FMO5: variants seen among roughly 807,000 people sequenced by gnomAD.
The protein encoded by FMO5 is flavin containing dimethylaniline monoxygenase 5.
A neutral mutation model predicts 43.6 loss-of-function variants in FMO5; 51 were observed. The observed-to-expected ratio is 1.17, with a 90% CI of 0.93 to 1.48. The LOEUF (loss-of-function observed/expected upper bound fraction) is 1.48. Among genes scored for constraint, FMO5 ranks in the 40% most tolerant of loss-of-function variants. The probability of loss-of-function intolerance (pLI) is 0.00; values close to 1 mark genes in which losing one functional copy is unlikely to be tolerated. For synonymous variants in FMO5, 187 were observed against 216.5 expected (o/e 0.86, Z 1.20); for missense variants, 644 against 643.0 (o/e 1.00, Z -0.02).
intron 6 of FMO5, among the ~76,000 whole-genome samples, chr1:147,207,069 G>T (rs1419245675): frequency 6.6e-6 from 1 of 151,500 alleles, no homozygotes; most frequent in African/African-American, 2.4e-5. Context: ...GGGCAACTGG[G>T]GATATTGCCA....
chr1:147,204,537 A>T, intron 6 of FMO5: 1 of 1,577,938 alleles, frequency 6.3e-7, no homozygotes, highest in Non-Finnish European at 8.7e-7. Flanking sequence ...AAGCTATTTC[A>T]TAACCTTCTA....
intron 7 of FMO5, among the ~76,000 whole-genome samples, chr1:147,191,646 C>G (rs1387273167): frequency 6.6e-6 from 1 of 151,386 alleles, no homozygotes; most frequent in African/African-American, 2.4e-5. Context: ...CCTGTTCACT[C>G]TGATGGTAGT....
chr1:147,218,360 C>T (rs1553925495), intron 2 of FMO5, among the ~76,000 whole-genome samples: 1 of 152,034 alleles, frequency 6.6e-6, no homozygotes, highest in Non-Finnish European at 1.5e-5. Flanking sequence ...CTCAGCCTCC[C>T]GAGTAGCTGG....
intron 7 of FMO5, among the ~76,000 whole-genome samples, chr1:147,199,344 A>G (rs182233324): frequency 1.2e-3 from 178 of 152,330 alleles, no homozygotes; most frequent in Non-Finnish European, 1.7e-3. Flanking sequence ...GGCCATGGAC[A>G]GAATAAAAAA....
At chr1:147,187,580 A>G (rs587695670) in intron 8 of FMO5, among the ~76,000 whole-genome samples, 5 of 152,308 alleles carry the variant, frequency 3.3e-5, no homozygotes, top group Admixed American at 2.0e-4. Context: ...ACATCTAGAT[A>G]CAAAGGACTC....
intron 6 of FMO5, among the ~76,000 whole-genome samples, chr1:147,201,827 C>A (rs1659027538): frequency 6.6e-6 from 1 of 152,172 alleles, no homozygotes; most frequent in African/African-American, 2.4e-5. Flanking sequence ...AGTTTGTATT[C>A]TCATACCAAG....
At chr1:147,213,529 G>A (rs1553924310) in intron 3 of FMO5, 59 bp from the exon 4 acceptor site, 3 of 1,428,836 alleles carry the variant, frequency 2.1e-6, no homozygotes, top group Non-Finnish European at 2.8e-6. Context: ...CTTGCATAGT[G>A]TTACACAAAG....
At chr1:147,195,583 A>T (rs1339090224) in intron 7 of FMO5, among the ~76,000 whole-genome samples, 2 of 152,164 alleles carry the variant, frequency 1.3e-5, no homozygotes, top group Non-Finnish European at 2.9e-5. Context: ...AGATGCACAA[A>T]CAGTTCCAGT....
intron 2 of FMO5, among the ~76,000 whole-genome samples, chr1:147,217,399 G>GT (rs1662207564): frequency 6.6e-6 from 1 of 151,790 alleles, no homozygotes; most frequent in South Asian, 2.1e-4. Flanking sequence ...TTCAAAAATT[G>GT]TTTTGACTAT....
chr1:147,210,676 A>G (rs1660933991), intron 5 of FMO5: 1 of 152,168 alleles, frequency 6.6e-6, no homozygotes, highest in South Asian at 2.1e-4. Context: ...ATGAAATAGT[A>G]ATAATAATAA....
In FMO5 at chr1:147,187,079, C is replaced by T; in HGVS notation, c.1423G>A (p.Val475Ile). 1 of 1,614,048 alleles carries T rather than the reference C, an allele frequency of 6.2e-7. No homozygotes were observed. The highest frequency in any genetic ancestry group is 8.5e-7 in the Non-Finnish European group (1 of 1,180,016). ...LGPCTPIHYR[V>I]QGPGKWDGAR... ...CCATCCCACTTTCCAGGGCCCTGTACACGATAGTGGATTGGAGTGCAGGGT... is the reference window on the plus strand; with the variant it reads ...CCATCCCACTTTCCAGGGCCCTGTATACGATAGTGGATTGGAGTGCAGGGT... Residue 475 changes from valine (V) to isoleucine (I), a missense_variant, in exon 9 of 9, where the codon GTA (valine) becomes ATA (isoleucine). Transcript: ENST00000254090.
intron 8 of FMO5, among the ~76,000 whole-genome samples, chr1:147,189,899 C>T (rs1656361121): frequency 6.6e-6 from 1 of 152,112 alleles, no homozygotes. Flanking sequence ...TACCTTCTGC[C>T]TTCTGATTTT....
chr1:147,201,566 G>A (rs1658978489), intron 6 of FMO5, 62 bp from the exon 7 acceptor site: 1 of 1,368,008 alleles, frequency 7.3e-7, no homozygotes, highest in East Asian at 2.3e-5. Flanking sequence ...TACCACATAA[G>A]TAAAATTTTG....
At chr1:147,221,454 G>T (rs2102067587) in intron 2 of FMO5, among the ~76,000 whole-genome samples, 1 of 152,284 alleles carries the variant, frequency 6.6e-6, no homozygotes, top group East Asian at 1.9e-4. Context: ...AAACATGTTT[G>T]TACATAAGTG....
chr1:147,212,474 G>A lies in FMO5; in HGVS notation c.549C>T (p.Phe183=), dbSNP rs782603450. ...CAATTATAATGACTCTCTTTCCAGT[G>A]AATCCCTCTGGGTTCTTATAGTCTC... ...HSRDYKNPEG[F]TGKRVIIIGI... is the part of the protein sequence containing the mutation. The change falls in exon 5 of 9, where the codon TTC becomes TTT. Residue 183 remains phenylalanine (F), a synonymous_variant. Transcript: ENST00000254090. The A allele has an allele frequency of 6.2e-7, 1 of 1,613,732 alleles. No individual in the cohort carries two copies. The highest frequency in any genetic ancestry group is 1.1e-5 in the South Asian group (1 of 91,072).
chr1:147,222,325 G>A (rs1024298788), intron 2 of FMO5, among the ~76,000 whole-genome samples: 8 of 152,130 alleles, frequency 5.3e-5, no homozygotes, highest in Non-Finnish European at 1.2e-4. Context: ...CTGAGATCAC[G>A]CCACTATACT....
intron 7 of FMO5, among the ~76,000 whole-genome samples, chr1:147,192,292 T>C (rs1419564028): frequency 2.0e-5 from 3 of 152,094 alleles, no homozygotes; most frequent in Non-Finnish European, 1.5e-5. Context: ...GGGAGTTCAC[T>C]CATGATTTGG....
intron 2 of FMO5, among the ~76,000 whole-genome samples, chr1:147,217,255 G>T: frequency 6.6e-6 from 1 of 150,688 alleles, no homozygotes. Context: ...AAAAGAAAAA[G>T]AAAAAGAAAA....
At position 147,224,152 on chromosome 1, in the gene FMO5, G is replaced by A. The variant is rs1471247026; in HGVS notation, c.135+743C>T. ...GTCTAGTCCACAGGAAGACCTGCAC[G>A]ACGTTGCCTTCACACAGGTTCACTA... On this transcript the variant is annotated intron_variant, in intron 2 of 8. Transcript: ENST00000254090. 2.6e-5 allele frequency: 8 copies of A among 302,822 alleles called. 1 individual carries two copies. The highest frequency in any genetic ancestry group is 6.7e-5 in the African/African-American group (3 of 44,864). The allele number at this position is 302,822 out of a possible 1,614,324, so 18.8% of individuals were successfully genotyped here.
Sources: allele counts gnomAD v4.1 joint callset (sites outside exome capture counted in the v4.1 genomes callset), GRCh38; gene constraint gnomAD v4.1.1; transcripts MANE v1.5; gene names NCBI Gene and HGNC (gene_info 2026-07-23, HGNC 2026-07-21).